Variants in ALPK3 observed in about 807,000 individuals in gnomAD.
The protein encoded by ALPK3 is alpha kinase 3, also known as alpha-protein kinase 3.
ALPK3 carries 102 observed loss-of-function variants against 140.0 expected under a neutral mutation model. That is an observed-to-expected ratio of 0.73 (90% CI 0.62 to 0.86). The LOEUF is 0.86. Among genes scored for constraint, ALPK3 ranks in the 40% least tolerant of loss-of-function variants. ALPK3 has a pLI of 0.00. For missense variants in ALPK3, 2,254 were observed against 2,208.2 expected (o/e 1.02, Z -0.42); for synonymous variants, 938 against 898.5 (o/e 1.04, Z -0.79).
At chr15:84,847,208 GGAGAGAGAGAGAGAGA>G (rs55944419) in intron 5 of ALPK3, among the ~76,000 whole-genome samples, 100 of 116,632 alleles carry the variant, frequency 8.6e-4, no homozygotes, top group East Asian at 4.2e-3. Flanking sequence ...GGAGAAACGG[GGAGAGAGAGAGAGAGA>G]GAGAGAGAGA....
chr15:84,849,761 G>A (rs1963780340), intron 5 of ALPK3, among the ~76,000 whole-genome samples: 1 of 152,036 alleles, frequency 6.6e-6, no homozygotes, highest in Non-Finnish European at 1.5e-5. Flanking sequence ...TCAGTGCCTT[G>A]AAGAAAATGT....
chr15:84,867,244 T>A, intron 12 of ALPK3, 73 bp from the exon 13 acceptor site: 1 of 1,504,792 alleles, frequency 6.6e-7, no homozygotes. Context: ...ACCCAGTATA[T>A]CTTCCTGCTG....
chr15:84,827,962 T>G (rs543126966), intron 3 of ALPK3, among the ~76,000 whole-genome samples: 1 of 152,250 alleles, frequency 6.6e-6, no homozygotes, highest in South Asian at 2.1e-4. Flanking sequence ...ATGTTATAGT[T>G]GAGTAATTTG....
At position 84,823,488 on chromosome 15, in the gene ALPK3, G is replaced by C. The variant is rs1197094830; in HGVS notation, c.182+120G>C. Reference sequence around the variant, plus strand: ...TGCATGGGGTGAGGGGAGAGCTGGAGGGTGGGTGGGGAGAGTGCAAGAAGG... The same window carrying C: ...TGCATGGGGTGAGGGGAGAGCTGGACGGTGGGTGGGGAGAGTGCAAGAAGG... On this transcript the variant is annotated intron_variant, in intron 2 of 13. Coordinates refer to ENST00000258888, the MANE Select transcript of ALPK3 (RefSeq NM_020778.5). 4 of 1,145,432 alleles carry C rather than the reference G, an allele frequency of 3.5e-6. No homozygotes were observed. The South Asian group carries it at 5.4e-5, about 15-fold the overall frequency. 71.0% of individuals were successfully genotyped at this position (1,145,432 alleles called of 1,614,324 possible).
At chr15:84,860,646 A>G (rs921879613) in intron 9 of ALPK3, among the ~76,000 whole-genome samples, 2 of 152,238 alleles carry the variant, frequency 1.3e-5, no homozygotes, top group African/African-American at 4.8e-5. Flanking sequence ...CAGTGATAAA[A>G]AGATGTTTGG....
In ALPK3 at chr15:84,840,226, A is replaced by C. The variant is rs769393830; in HGVS notation, c.947A>C (p.Lys316Thr). ...CTCAAAGAGGAGAGTGGGGCCAAGA[A>C]GAAAAAGAAAGATGAGGAATCCAAG... ...RALKEESGAK[K>T]KKKDEESKQG... Residue 316 changes from lysine to threonine, a missense_variant, in exon 5 of 14, where the codon AAG becomes ACG. Lys to Thr is a moderately conservative substitution (Grantham distance 78). This residue lies in a region of ALPK3 where 2,088 missense variants were observed against 2,022.9 expected (regional missense o/e 1.03). Coordinates refer to ENST00000258888, the MANE Select transcript of ALPK3 (RefSeq NM_020778.5). 3.7e-6 allele frequency: 6 copies of C among 1,613,728 alleles called. No homozygotes were observed. Among genetic ancestry groups the C allele is most frequent in the South Asian group, 1.1e-5 (1 of 91,084 alleles).
chr15:84,821,191 G>T (rs1963418522), intron 1 of ALPK3, among the ~76,000 whole-genome samples: 1 of 152,192 alleles, frequency 6.6e-6, no homozygotes, highest in Non-Finnish European at 1.5e-5. Context: ...GCACAGGCAG[G>T]TCTCCCACCT....
chr15:84,820,787 TTTAA>T (rs1963413173), intron 1 of ALPK3, among the ~76,000 whole-genome samples: 1 of 152,028 alleles, frequency 6.6e-6, no homozygotes, highest in Non-Finnish European at 1.5e-5. Flanking sequence ...CGGTTTAGAT[TTTAA>T]TTATTTATTT....
At chr15:84,844,098 G>T (rs909717828) in intron 5 of ALPK3, among the ~76,000 whole-genome samples, 1 of 152,116 alleles carries the variant, frequency 6.6e-6, no homozygotes. Context: ...GCGTGGTGGC[G>T]GATGCCTGTA....
rs768351052 is a variant in ALPK3 at position 84,856,417 on chromosome 15, C to A, written c.1679C>A (p.Ala560Asp). 1 of 1,607,182 alleles carries A rather than the reference C, an allele frequency of 6.2e-7. No individual in the cohort carries two copies. Among genetic ancestry groups the A allele is most frequent in the African/African-American group, 1.3e-5 (1 of 74,636 alleles). ...GEVLECQTTT[A>D]PTMSASSSSD... ...GTCCTGGAATGCCAGACAACCACGG[C>A]TCCTACCATGTCGGCCAGCAGCAGC... The change falls in exon 6 of 14, where the codon GCT becomes GAT. Residue 560 changes from alanine to aspartate, a missense_variant. Around this residue, in one of 3 missense-constraint regions of ALPK3, gnomAD observed 2,088 missense variants for 2,022.9 expected, o/e 1.03. Transcript: ENST00000258888.
At chr15:84,846,683 AAAACAAAC>A (rs574045837) in intron 5 of ALPK3, among the ~76,000 whole-genome samples, 1 of 152,178 alleles carries the variant, frequency 6.6e-6, no homozygotes, top group Non-Finnish European at 1.5e-5. Flanking sequence ...ACCCTGTCTC[AAAACAAAC>A]AAACAAACAA....
chr15:84,822,169 A>T (rs1329402165), intron 1 of ALPK3, among the ~76,000 whole-genome samples: 5 of 152,104 alleles, frequency 3.3e-5, no homozygotes, highest in Non-Finnish European at 5.9e-5. Context: ...GAGGGTCTAG[A>T]CTGTAGTGCA....
chr15:84,824,518 T>G (rs544303092), intron 2 of ALPK3, among the ~76,000 whole-genome samples: 1 of 152,316 alleles, frequency 6.6e-6, no homozygotes, highest in South Asian at 2.1e-4. Flanking sequence ...TAGCTAATGT[T>G]TACAGACATG....
At chr15:84,849,286 G>T (rs1963772991) in intron 5 of ALPK3, among the ~76,000 whole-genome samples, 1 of 152,128 alleles carries the variant, frequency 6.6e-6, no homozygotes, top group South Asian at 2.1e-4. Flanking sequence ...AGAACTGAAA[G>T]TAGAAATATA....
chr15:84,830,693 GT>G (rs1335276168), intron 3 of ALPK3, among the ~76,000 whole-genome samples: 1 of 152,158 alleles, frequency 6.6e-6, no homozygotes, highest in Non-Finnish European at 1.5e-5. Flanking sequence ...TTGTTTGTTT[GT>G]TGGTTTGGTT....
chr15:84,856,283 T>G, intron 5 of ALPK3, 109 bp from the exon 6 acceptor site: 1 of 1,461,282 alleles, frequency 6.8e-7, no homozygotes, highest in Non-Finnish European at 9.2e-7. Context: ...GAGGCAAGAT[T>G]CCCATCAGAG....
intron 1 of ALPK3, among the ~76,000 whole-genome samples, chr15:84,821,966 C>T (rs1050840717): frequency 1.3e-5 from 2 of 152,036 alleles, no homozygotes; most frequent in African/African-American, 2.4e-5. Context: ...GTGGTGGCGC[C>T]GGAGCATTGG....
rs780207576 is a variant in ALPK3 at position 84,863,614 on chromosome 15, C to G, written c.4473C>G (p.Ala1491=). The part of the protein sequence containing the change: ...YCKIFAAEAR[A]APGFGEVPEI... Reference sequence around the variant, plus strand: ...AAATCTTCGCAGCAGAAGCCCGGGCCGCGCCTGGCTTTGGGGAGGTGCCTG... The same window carrying G: ...AAATCTTCGCAGCAGAAGCCCGGGCGGCGCCTGGCTTTGGGGAGGTGCCTG... The change falls in exon 11 of 14, where the codon GCC becomes GCG. Residue 1491 remains alanine (A), a synonymous_variant. Coordinates refer to ENST00000258888, the MANE Select transcript of ALPK3 (RefSeq NM_020778.5). 1 of 1,614,054 alleles carries G rather than the reference C, an allele frequency of 6.2e-7. No individual in the cohort carries two copies. The highest frequency in any genetic ancestry group is 8.5e-7 in the Non-Finnish European group (1 of 1,179,990).
intron 4 of ALPK3, 46 bp from the exon 5 acceptor site, chr15:84,839,656 C>T: frequency 6.5e-7 from 1 of 1,541,042 alleles, no homozygotes; most frequent in South Asian, 1.2e-5. Context: ...TGGGGGCTCT[C>T]ACCTCCCAGG....
Sources: gnomAD v4.1 joint callset for allele counts (sites outside exome capture counted in the v4.1 genomes callset) on GRCh38, gnomAD v4.1.1 for gene constraint, gnomAD v4.1.1 regional missense constraint, MANE v1.5 for transcripts, NCBI Gene and HGNC (gene_info 2026-07-23, HGNC 2026-07-21) for gene names.